GRIK4: variants seen among roughly 807,000 people sequenced by gnomAD.
GRIK4 encodes the protein glutamate receptor ionotropic, kainate 4.
A neutral mutation model predicts 104.9 loss-of-function variants in GRIK4; 40 were observed. That is an observed-to-expected ratio of 0.38 (90% CI 0.30 to 0.50). The LOEUF (loss-of-function observed/expected upper bound fraction) is 0.50, where lower values mean the gene tolerates loss of function less well. Among genes scored for constraint, GRIK4 ranks in the 20% least tolerant of loss-of-function variants. The pLI is 0.93. For missense variants in GRIK4, 1,047 were observed against 1,308.1 expected (o/e 0.80, Z 3.08); for synonymous variants, 485 against 524.9 (o/e 0.92, Z 1.04).
chr11:120,934,239 G>A (rs1371754127), intron 13 of GRIK4, among the ~76,000 whole-genome samples: 6 of 149,068 alleles, frequency 4.0e-5, no homozygotes, highest in African/African-American at 1.2e-4. Context: ...AAAGGTCAGC[G>A]TCATGGTGCT....
chr11:120,781,845 A>G (rs1377530760), intron 3 of GRIK4, among the ~76,000 whole-genome samples: 1 of 152,128 alleles, frequency 6.6e-6, no homozygotes, highest in African/African-American at 2.4e-5. Flanking sequence ...GATTCTCACC[A>G]TGGCCCTTGA....
chr11:120,752,143 C>T (rs942443923), intron 3 of GRIK4, among the ~76,000 whole-genome samples: 4 of 152,182 alleles, frequency 2.6e-5, no homozygotes, highest in Non-Finnish European at 5.9e-5. Context: ...TCACCAACTT[C>T]TTGTGACCAG....
intron 3 of GRIK4, among the ~76,000 whole-genome samples, chr11:120,667,571 C>A (rs764715595): frequency 6.6e-6 from 1 of 152,238 alleles, no homozygotes; most frequent in African/African-American, 2.4e-5. Context: ...AACAGGCACA[C>A]GTTCCCTATC....
At chr11:120,690,505 CTTTT>C (rs879703364) in intron 3 of GRIK4, among the ~76,000 whole-genome samples, 1 of 152,266 alleles carries the variant, frequency 6.6e-6, no homozygotes, top group African/African-American at 2.4e-5. Flanking sequence ...GCGCCAATCT[CTTTT>C]TATTCTAAGA....
At chr11:120,789,991 C>G (rs1952363513) in intron 3 of GRIK4, among the ~76,000 whole-genome samples, 1 of 152,172 alleles carries the variant, frequency 6.6e-6, no homozygotes, top group African/African-American at 2.4e-5. Context: ...CTTCATTGTA[C>G]AGTAAAGTCT....
chr11:120,924,000 A>G (rs963958403), intron 13 of GRIK4, among the ~76,000 whole-genome samples: 9 of 152,072 alleles, frequency 5.9e-5, no homozygotes, highest in Non-Finnish European at 1.3e-4. Context: ...ATGGCTGGCA[A>G]GTCCTGGGGG....
chr11:120,551,407 T>C (rs1948138461), intron 1 of GRIK4, among the ~76,000 whole-genome samples: 1 of 152,226 alleles, frequency 6.6e-6, no homozygotes, highest in African/African-American at 2.4e-5. Flanking sequence ...GAAGGAATGC[T>C]GCAGAGAGAG....
At chr11:120,624,207 T>G (rs1949225446) in intron 1 of GRIK4, among the ~76,000 whole-genome samples, 1 of 152,150 alleles carries the variant, frequency 6.6e-6, no homozygotes, top group African/African-American at 2.4e-5. Flanking sequence ...TCACACTACT[T>G]TAACCTCTCA....
chr11:120,729,153 A>G (rs1216967577), intron 3 of GRIK4, among the ~76,000 whole-genome samples: 2 of 152,170 alleles, frequency 1.3e-5, no homozygotes, highest in Non-Finnish European at 2.9e-5. Context: ...TTCTTTATCC[A>G]TTCATCTGTT....
chr11:120,672,729 C>G (rs1950041351), intron 3 of GRIK4, among the ~76,000 whole-genome samples: 1 of 150,618 alleles, frequency 6.6e-6, no homozygotes, highest in Non-Finnish European at 1.5e-5. Flanking sequence ...GGCTCTCTGT[C>G]TATTATTGGT....
Position 120,875,390 on chromosome 11 carries a change from C to T in GRIK4, c.1164+147C>T, listed in dbSNP as rs530067749. ...GGCAAGGCTCCTGACCTGCACCAGC[C>T]TCTCCCTTCCTGCCACCAGATCAGC... On this transcript the variant is annotated intron_variant, in intron 11 of 20. Transcript: ENST00000527524. 35 of 638,942 alleles carry T rather than the reference C, an allele frequency of 5.5e-5. No homozygotes were observed. The East Asian group carries it at 9.4e-4, about 17-fold the overall frequency. 39.6% of individuals were successfully genotyped at this position (638,942 alleles called of 1,614,324 possible). A position where few individuals can be genotyped will look rare whatever the true frequency, so the allele number is the denominator to read the frequency against.
intron 11 of GRIK4, among the ~76,000 whole-genome samples, chr11:120,883,551 G>T (rs771222183): frequency 6.6e-6 from 1 of 152,194 alleles, no homozygotes; most frequent in African/African-American, 2.4e-5. Flanking sequence ...GCTGGCTTTG[G>T]CAGGATGTAA....
intron 8 of GRIK4, among the ~76,000 whole-genome samples, chr11:120,857,830 A>G (rs182025382): frequency 7.2e-5 from 11 of 152,336 alleles, no homozygotes; most frequent in Admixed American, 2.0e-4. Flanking sequence ...TGAGGCAGAC[A>G]TATCTTTGCT....
intron 11 of GRIK4, among the ~76,000 whole-genome samples, chr11:120,891,976 T>C (rs887036845): frequency 3.9e-5 from 6 of 152,196 alleles, no homozygotes; most frequent in Non-Finnish European, 8.8e-5. Context: ...GCAGTCACAG[T>C]GCACGAATGA....
chr11:120,950,196 C>T (rs2134682041), intron 14 of GRIK4, among the ~76,000 whole-genome samples: 1 of 152,312 alleles, frequency 6.6e-6, no homozygotes, highest in South Asian at 2.1e-4. Flanking sequence ...ACTGCCCATT[C>T]CTTGCTCTTC....
intron 3 of GRIK4, among the ~76,000 whole-genome samples, chr11:120,799,929 C>A (rs1027727968): frequency 1.3e-5 from 2 of 152,082 alleles, no homozygotes; most frequent in Non-Finnish European, 2.9e-5. Context: ...CTCACTGCAA[C>A]CTCCACCTCC....
intron 1 of GRIK4, among the ~76,000 whole-genome samples, chr11:120,562,028 A>C (rs1047715890): frequency 1.3e-5 from 2 of 152,198 alleles, no homozygotes; most frequent in African/African-American, 4.8e-5. Flanking sequence ...GCAATTAGGA[A>C]GCAGTTGTTA....
chr11:120,572,952 G>T (rs185509863), intron 1 of GRIK4, among the ~76,000 whole-genome samples: 1 of 152,214 alleles, frequency 6.6e-6, no homozygotes, highest in East Asian at 1.9e-4. Context: ...ACCCAAAGCC[G>T]TTGAGAGGTA....
At chr11:120,648,922 T>C (rs999771616) in intron 1 of GRIK4, among the ~76,000 whole-genome samples, 1 of 152,200 alleles carries the variant, frequency 6.6e-6, no homozygotes, top group Non-Finnish European at 1.5e-5. Context: ...CTTCTCCGAC[T>C]GGAGTCCTGT....
Sources: gnomAD v4.1 joint callset for allele counts (sites outside exome capture counted in the v4.1 genomes callset) on GRCh38, gnomAD v4.1.1 for gene constraint, MANE v1.5 for transcripts, NCBI Gene and HGNC (gene_info 2026-07-23, HGNC 2026-07-21) for gene names.